Variants in CNR2 observed in about 807,000 individuals in gnomAD.
CNR2 encodes the protein cannabinoid receptor 2 (macrophage).
For synonymous variants in CNR2, 172 were observed against 182.2 expected (o/e 0.94, Z 0.45); for missense variants, 379 against 439.9 (o/e 0.86, Z 1.24).
intron 1 of CNR2, among the ~76,000 whole-genome samples, chr1:23,897,567 C>T (rs535769911): frequency 5.3e-5 from 8 of 151,510 alleles, no homozygotes; most frequent in East Asian, 2.0e-4. Context: ...CTCTGCCTCC[C>T]GGTTTCAAGC....
chr1:23,890,758 A>G (rs1228603339), intron 1 of CNR2, among the ~76,000 whole-genome samples: 1 of 151,132 alleles, frequency 6.6e-6, no homozygotes, highest in African/African-American at 2.4e-5. Flanking sequence ...AAAAAAAAAA[A>G]AGAAATAGAT....
rs1313550908 is a variant in CNR2, at chr1:23,874,377, C to T, written c.*158G>A. 1.3e-6 allele frequency: 1 copy of T among 799,646 alleles called. No individual in the cohort carries two copies. Among genetic ancestry groups the T allele is most frequent in the African/African-American group, 1.7e-5 (1 of 57,492 alleles). The allele number at this position is 799,646 out of a possible 1,614,324, so 49.5% of individuals were successfully genotyped here. ...GTGCAGGTGGGCAAGGCCAGGCTGTCTTCCAGGAGTCAGTCCCAACACTCA... is the reference window on the plus strand; with the variant it reads ...GTGCAGGTGGGCAAGGCCAGGCTGTTTTCCAGGAGTCAGTCCCAACACTCA... On this transcript the variant is annotated 3_prime_UTR_variant, in exon 2 of 2. Transcript: ENST00000374472.
chr1:23,888,782 C>A (rs1328974470), intron 1 of CNR2, among the ~76,000 whole-genome samples: 2 of 151,996 alleles, frequency 1.3e-5, no homozygotes, highest in African/African-American at 2.4e-5. Flanking sequence ...ACCAGCCTGG[C>A]CAACACGGTG....
At chr1:23,900,085 A>G (rs1349947883) in intron 1 of CNR2, among the ~76,000 whole-genome samples, 2 of 151,260 alleles carry the variant, frequency 1.3e-5, no homozygotes, top group Non-Finnish European at 2.9e-5. Flanking sequence ...AGTGCTTGAG[A>G]TACTTTGCAG....
chr1:23,890,092 T>C (rs1462681185), intron 1 of CNR2, among the ~76,000 whole-genome samples: 1 of 151,128 alleles, frequency 6.6e-6, no homozygotes, highest in African/African-American at 2.4e-5. Context: ...TAAAACCCCA[T>C]CTCTACAAAA....
chr1:23,884,605 T>C (rs1011734709), intron 1 of CNR2, among the ~76,000 whole-genome samples: 4 of 151,304 alleles, frequency 2.6e-5, no homozygotes, highest in African/African-American at 9.7e-5. Flanking sequence ...CATGCCCAGC[T>C]GACCATCTAG....
chr1:23,877,599 G>T (rs561975683), intron 1 of CNR2, among the ~76,000 whole-genome samples: 1 of 151,064 alleles, frequency 6.6e-6, no homozygotes, highest in South Asian at 2.1e-4. Flanking sequence ...CCGAGATGGC[G>T]CCACTGCACT....
intron 1 of CNR2, chr1:23,907,988 T>TC: frequency 7.4e-6 from 1 of 135,400 alleles, no homozygotes; most frequent in African/African-American, 2.8e-5. Flanking sequence ...CTGCTTTTTT[T>TC]TTTTTTTTTT....
intron 1 of CNR2, among the ~76,000 whole-genome samples, chr1:23,905,799 C>CT (rs1405064224): frequency 3.3e-5 from 5 of 152,028 alleles, no homozygotes; most frequent in African/African-American, 1.2e-4. Flanking sequence ...CTACCTCTCT[C>CT]TAATAGAATT....
intron 1 of CNR2, among the ~76,000 whole-genome samples, chr1:23,885,011 A>G (rs1640062749): frequency 6.6e-6 from 1 of 152,030 alleles, no homozygotes; most frequent in Non-Finnish European, 1.5e-5. Context: ...CATCTTGGCC[A>G]TGCTGGTCTT....
At chr1:23,899,986 GAAAAGAAAGAAAGA>G (rs1557532816) in intron 1 of CNR2, among the ~76,000 whole-genome samples, 2 of 15,220 alleles carry the variant, frequency 1.3e-4, no homozygotes, top group Non-Finnish European at 3.2e-3. Flanking sequence ...AAGAAAGAAA[GAAAAGAAAGAAAGA>G]AAGGAAGGAA....
chr1:23,894,434 T>G (rs1557530103), intron 1 of CNR2, among the ~76,000 whole-genome samples: 1 of 85,016 alleles, frequency 1.2e-5, no homozygotes, highest in African/African-American at 4.5e-5. Context: ...AAAAAAAAAA[T>G]TTTTTTAATA....
intron 1 of CNR2, among the ~76,000 whole-genome samples, chr1:23,903,771 C>A (rs1640441873): frequency 6.6e-6 from 1 of 152,050 alleles, no homozygotes; most frequent in African/African-American, 2.4e-5. Flanking sequence ...GTGTAAAATG[C>A]AATTAATCCT....
At chr1:23,880,990 T>C (rs1467763655) in intron 1 of CNR2, among the ~76,000 whole-genome samples, 1 of 151,478 alleles carries the variant, frequency 6.6e-6, no homozygotes, top group Non-Finnish European at 1.5e-5. Flanking sequence ...AAATTAATAA[T>C]TAAGGCTGGG....
chr1:23,877,690 A>G (rs1052589086), intron 1 of CNR2, among the ~76,000 whole-genome samples: 7 of 151,558 alleles, frequency 4.6e-5, no homozygotes, highest in African/African-American at 1.7e-4. Flanking sequence ...GGCTGGGCAC[A>G]GTGGCTCACG....
chr1:23,885,959 G>A (rs1640082263), intron 1 of CNR2, among the ~76,000 whole-genome samples: 1 of 151,876 alleles, frequency 6.6e-6, no homozygotes, highest in African/African-American at 2.4e-5. Flanking sequence ...GGAGACCAAG[G>A]CAGGCAGATC....
intron 1 of CNR2, among the ~76,000 whole-genome samples, chr1:23,877,728 G>A (rs1639911219): frequency 6.6e-6 from 1 of 152,134 alleles, no homozygotes; most frequent in South Asian, 2.1e-4. Flanking sequence ...TTGGGAGGCT[G>A]AAGTGATGGA....
At chr1:23,882,822 A>G (rs906883278) in intron 1 of CNR2, among the ~76,000 whole-genome samples, 1 of 152,160 alleles carries the variant, frequency 6.6e-6, no homozygotes, top group Non-Finnish European at 1.5e-5. Context: ...TCTGTTCTCA[A>G]TAAATAAATT....
chr1:23,889,756 T>A (rs568615126), intron 1 of CNR2, among the ~76,000 whole-genome samples: 1 of 152,324 alleles, frequency 6.6e-6, no homozygotes, highest in East Asian at 1.9e-4. Context: ...TGGATTAAAA[T>A]TCAGCTCTGC....
Sources: allele counts gnomAD v4.1 joint callset (sites outside exome capture counted in the v4.1 genomes callset), GRCh38; gene constraint gnomAD v4.1.1; transcripts MANE v1.5; gene names NCBI Gene and HGNC (gene_info 2026-07-23, HGNC 2026-07-21).